Variants in NRCAM observed in about 807,000 individuals in gnomAD.
The protein encoded by NRCAM is NgCAM-related cell adhesion molecule.
NRCAM carries 83 observed loss-of-function variants against 156.5 expected under a neutral mutation model. That is an observed-to-expected ratio of 0.53 (90% CI 0.44 to 0.64). NRCAM has a LOEUF of 0.64. Among genes scored for constraint, NRCAM ranks in the 30% least tolerant of loss-of-function variants. The pLI is 0.00. For synonymous variants in NRCAM, 538 were observed against 563.9 expected (o/e 0.95, Z 0.65); for missense variants, 1,417 against 1,597.3 (o/e 0.89, Z 1.92).
At chr7:108,238,626 A>G (rs1006636296) in intron 4 of NRCAM, among the ~76,000 whole-genome samples, 1 of 152,144 alleles carries the variant, frequency 6.6e-6, no homozygotes, top group Non-Finnish European at 1.5e-5. Context: ...AGTCAGATTA[A>G]GGGGGAATAT....
intron 2 of NRCAM, among the ~76,000 whole-genome samples, chr7:108,381,502 G>A (rs2099700736): frequency 1.3e-5 from 2 of 151,876 alleles, no homozygotes; most frequent in Non-Finnish European, 2.9e-5. Flanking sequence ...AAATGTTAAG[G>A]GCTAGTAAAG....
At position 108,231,035 on chromosome 7, in the gene NRCAM, A is replaced by G; in HGVS notation, c.546T>C (p.Asp182=). ...GTTCATATTATCAAAACTTACAATT[A>G]TCCATCCAAAATATTATAGGTGGTG... is the stretch of plus-strand genomic sequence containing the variant. The part of the protein sequence containing the change: ...GLPPPIIFWM[D]NSFQRLPQSE... Residue 182 remains aspartate (D), a synonymous_variant, in exon 8 of 33, where the codon GAT becomes GAC. Coordinates refer to ENST00000379028, the MANE Select transcript of NRCAM (RefSeq NM_001037132.4). The G allele has an allele frequency of 1.2e-6, 2 of 1,602,978 alleles. No individual in the cohort carries two copies. The highest frequency in any genetic ancestry group is 2.2e-5 in the South Asian group (2 of 90,280).
At chr7:108,436,066 G>A (rs533342109) in intron 1 of NRCAM, among the ~76,000 whole-genome samples, 146 of 152,312 alleles carry the variant, frequency 9.6e-4, no homozygotes, top group Non-Finnish European at 1.7e-3. Context: ...CCCGGGAGGC[G>A]GAGCTTGCAG....
At chr7:108,433,784 T>C (rs1277743271) in intron 1 of NRCAM, among the ~76,000 whole-genome samples, 1 of 152,212 alleles carries the variant, frequency 6.6e-6, no homozygotes, top group African/African-American at 2.4e-5. Context: ...GCTTCTTGTA[T>C]AGCCTGCAGA....
At chr7:108,358,284 A>G (rs2099521807) in intron 2 of NRCAM, among the ~76,000 whole-genome samples, 2 of 149,532 alleles carry the variant, frequency 1.3e-5, no homozygotes, top group South Asian at 4.3e-4. Context: ...GCATGCCTGT[A>G]GTCCCAGCTA....
At position 108,149,671 on chromosome 7, in the gene NRCAM, A is replaced by G. The variant is rs2040182420; in HGVS notation, c.*239T>C. The G allele has an allele frequency of 2.0e-6, 1 of 505,256 alleles. No homozygotes were observed. The highest frequency in any genetic ancestry group is 3.7e-5 in the Admixed American group (1 of 26,754). The allele number at this position is 505,256 out of a possible 1,614,324, so 31.3% of individuals were successfully genotyped here. A position where few individuals can be genotyped will look rare whatever the true frequency, so the allele number is the denominator to read the frequency against. On this transcript the variant is annotated 3_prime_UTR_variant, in exon 33 of 33. Coordinates refer to ENST00000379028, the MANE Select transcript of NRCAM (RefSeq NM_001037132.4). Reference sequence around the variant, plus strand: ...TGTTGGTGATGTTGCATTATTTTTTATCAGTTCTGAGGAAATCAAGAATAC... The same window carrying G: ...TGTTGGTGATGTTGCATTATTTTTTGTCAGTTCTGAGGAAATCAAGAATAC...
chr7:108,396,021 A>C (rs978803636), intron 2 of NRCAM, among the ~76,000 whole-genome samples: 11 of 152,162 alleles, frequency 7.2e-5, no homozygotes, highest in African/African-American at 2.4e-4. Flanking sequence ...AACACTTAGC[A>C]AATGCCAATG....
intron 23 of NRCAM, among the ~76,000 whole-genome samples, 167 bp from the exon 24 acceptor site, chr7:108,182,104 AT>A (rs5886443): frequency 0.75 from 112,689 of 150,192 alleles, 42,954 homozygotes; most frequent in East Asian, 0.99. Flanking sequence ...TTTGTGAGAG[AT>A]TTTTTTTTTT....
intron 3 of NRCAM, among the ~76,000 whole-genome samples, chr7:108,276,377 T>C (rs1276573754): frequency 2.0e-5 from 3 of 152,226 alleles, no homozygotes; most frequent in Non-Finnish European, 4.4e-5. Context: ...TAAGTCTCTT[T>C]GTAGGTCTTT....
intron 1 of NRCAM, among the ~76,000 whole-genome samples, chr7:108,419,011 T>C (rs560635426): frequency 1.4e-4 from 21 of 152,212 alleles, no homozygotes; most frequent in Middle Eastern, 6.8e-3. Context: ...ACTAACAGGA[T>C]ATATGTATAC....
intron 1 of NRCAM, among the ~76,000 whole-genome samples, chr7:108,417,074 T>G (rs1324086723): frequency 1.3e-5 from 2 of 152,162 alleles, no homozygotes; most frequent in Non-Finnish European, 2.9e-5. Flanking sequence ...CCTTAAAGAG[T>G]AAGTGATTGA....
intron 29 of NRCAM, among the ~76,000 whole-genome samples, chr7:108,168,015 G>A (rs1420391145): frequency 6.6e-6 from 1 of 152,118 alleles, no homozygotes; most frequent in Non-Finnish European, 1.5e-5. Flanking sequence ...CACAGAACTA[G>A]TTTCAAGTAC....
At chr7:108,389,574 C>T (rs1041223330) in intron 2 of NRCAM, among the ~76,000 whole-genome samples, 1 of 152,118 alleles carries the variant, frequency 6.6e-6, no homozygotes, top group Admixed American at 6.5e-5. Flanking sequence ...TTGCCCTGGG[C>T]AGAACTTCCA....
intron 22 of NRCAM, 61 bp from the exon 23 acceptor site, chr7:108,182,981 G>A (rs1196468224): frequency 2.2e-6 from 3 of 1,353,544 alleles, no homozygotes; most frequent in Non-Finnish European, 3.1e-6. Context: ...ATCTTTTACA[G>A]GAACAGCAAA....
At chr7:108,178,289 CCTTT>C in intron 25 of NRCAM, 177 bp from the exon 26 acceptor site, 1 of 574,556 alleles carries the variant, frequency 1.7e-6, no homozygotes, top group Non-Finnish European at 3.1e-6. Context: ...TTATTCTCTT[CCTTT>C]TTCTCTCTTG....
chr7:108,324,877 C>CA lies in NRCAM; in HGVS notation c.-173-12147_-173-12146insT, dbSNP rs201240389. Among the ~76,000 whole-genome samples the CA allele has an allele frequency of 4.8e-3, 396 of 82,608 alleles. 4 individuals are homozygous for CA. Among genetic ancestry groups the CA allele is most frequent in the East Asian group, 0.011 (38 of 3,344 alleles). 54.2% of individuals were successfully genotyped at this position (82,608 alleles called of 152,430 possible). ...TGTTTGTGTAATATTTGGCACTGTA[C>CA]TTTTTTTTTTTTTTTTTTTTTTTTT... On this transcript the variant is annotated intron_variant, in intron 2 of 32. Transcript: ENST00000379028.
chr7:108,324,266 C>T (rs1165230194), intron 2 of NRCAM, among the ~76,000 whole-genome samples: 1 of 114,506 alleles, frequency 8.7e-6, no homozygotes, highest in Non-Finnish European at 2.1e-5. Context: ...GTGGCATGAT[C>T]CTGGGGGTGC....
intron 3 of NRCAM, among the ~76,000 whole-genome samples, chr7:108,283,358 T>A (rs945878390): frequency 5.9e-5 from 9 of 152,206 alleles, no homozygotes; most frequent in Non-Finnish European, 1.3e-4. Flanking sequence ...TGGTAGAAAG[T>A]GATTTGTGTC....
At chr7:108,343,758 T>C (rs555465041) in intron 2 of NRCAM, among the ~76,000 whole-genome samples, 2 of 152,348 alleles carry the variant, frequency 1.3e-5, no homozygotes, top group South Asian at 4.1e-4. Flanking sequence ...AATCATTATT[T>C]ACTAGACCAG....
Sources: allele counts gnomAD v4.1 joint callset (sites outside exome capture counted in the v4.1 genomes callset), GRCh38; gene constraint gnomAD v4.1.1; transcripts MANE v1.5; gene names NCBI Gene and HGNC (gene_info 2026-07-23, HGNC 2026-07-21).